The following AKAP10 variants were observed in gnomAD, a reference collection of about 807,000 sequenced individuals.
The protein encoded by AKAP10 is A-kinase anchor protein 10, mitochondrial.
In AKAP10, 24 loss-of-function variants were observed where a neutral mutation model predicts 80.8. The ratio of observed to expected loss-of-function variants is 0.30; its 90% CI spans 0.22 to 0.42. The LOEUF (loss-of-function observed/expected upper bound fraction) is 0.42, where lower values mean the gene tolerates loss of function less well. Among genes scored for constraint, AKAP10 ranks in the 10% least tolerant of loss-of-function variants. The pLI is 1.00. For missense variants in AKAP10, 661 were observed against 794.9 expected (o/e 0.83, Z 2.03); for synonymous variants, 291 against 277.7 (o/e 1.05, Z -0.48).
At chr17:19,909,350 TAACA>T in intron 13 of AKAP10, 74 bp from the exon 14 acceptor site, 4 of 1,312,336 alleles carry the variant, frequency 3.0e-6, no homozygotes, top group Non-Finnish European at 4.2e-6. Context: ...TCAGTGCTCT[TAACA>T]AATGGCTTAC....
intron 5 of AKAP10, among the ~76,000 whole-genome samples, chr17:19,943,937 C>T (rs73303985): frequency 0.019 from 2,950 of 151,982 alleles, 79 homozygotes; most frequent in African/African-American, 0.067. Flanking sequence ...CCCCACACAA[C>T]TAGAGTCATG....
intron 6 of AKAP10, 53 bp downstream of exon 6, chr17:19,941,773 C>A: frequency 7.2e-7 from 1 of 1,397,190 alleles, no homozygotes; most frequent in Non-Finnish European, 9.6e-7. Context: ...CCATTCCTAA[C>A]AATGAACCCA....
intron 14 of AKAP10, 122 bp downstream of exon 14, chr17:19,909,059 A>T (rs1422438688): frequency 1.4e-6 from 1 of 730,048 alleles, no homozygotes; most frequent in African/African-American, 1.8e-5. Context: ...GTTGCTTATG[A>T]TAAGAAGGTA....
intron 11 of AKAP10, among the ~76,000 whole-genome samples, chr17:19,924,012 G>A (rs1483646891): frequency 6.6e-6 from 1 of 152,158 alleles, no homozygotes; most frequent in African/African-American, 2.4e-5. Context: ...ATTTCAGTAA[G>A]TGGCATATCC....
At chr17:19,933,465 G>A (rs182615735) in intron 9 of AKAP10, among the ~76,000 whole-genome samples, 19 of 152,124 alleles carry the variant, frequency 1.2e-4, no homozygotes, top group Non-Finnish European at 2.5e-4. Flanking sequence ...CTAACTACCA[G>A]GGTCTTGACA....
intron 10 of AKAP10, among the ~76,000 whole-genome samples, chr17:19,925,754 C>T (rs549081131): frequency 6.6e-6 from 1 of 151,548 alleles, no homozygotes; most frequent in Admixed American, 6.6e-5. Flanking sequence ...TGAGAAGGAA[C>T]AATCTCCAAG....
At chr17:19,967,728 C>A (rs994601007) in intron 2 of AKAP10, among the ~76,000 whole-genome samples, 1 of 151,480 alleles carries the variant, frequency 6.6e-6, no homozygotes, top group Non-Finnish European at 1.5e-5. Context: ...ACTAAAAATA[C>A]AAAAATTAGC....
At position 19,957,931 on chromosome 17, in the gene AKAP10, T is replaced by C. The variant is rs2043299218; in HGVS notation, c.877+83A>G. 3 of 1,378,978 alleles carry C rather than the reference T, an allele frequency of 2.2e-6. No homozygotes were observed. The South Asian group carries it at 4.2e-5, about 19-fold the overall frequency. 85.4% of individuals were successfully genotyped at this position (1,378,978 alleles called of 1,614,324 possible). A position where few individuals can be genotyped will look rare whatever the true frequency, so the allele number is the denominator to read the frequency against. On this transcript the variant is annotated intron_variant, in intron 4 of 14. Transcript: ENST00000225737. ...GAGAAAAAAAATATTCCAATCATTTTATTCCTCATCTGAAGTTCTGCTTAG... is the reference window on the plus strand; with the variant it reads ...GAGAAAAAAAATATTCCAATCATTTCATTCCTCATCTGAAGTTCTGCTTAG...
intron 3 of AKAP10, among the ~76,000 whole-genome samples, chr17:19,961,882 T>C (rs2043353986): frequency 6.6e-6 from 1 of 152,100 alleles, no homozygotes; most frequent in Non-Finnish European, 1.5e-5. Flanking sequence ...TTGGGAGGCC[T>C]GTGTGGGAGA....
chr17:19,931,587 C>T (rs2042933761), intron 10 of AKAP10, among the ~76,000 whole-genome samples: 1 of 152,000 alleles, frequency 6.6e-6, no homozygotes, highest in South Asian at 2.1e-4. Context: ...GATGGGGTTT[C>T]ACCATGTCGG....
intron 11 of AKAP10, 72 bp downstream of exon 11, chr17:19,924,336 A>C (rs2042851029): frequency 9.0e-7 from 1 of 1,106,426 alleles, no homozygotes; most frequent in East Asian, 2.7e-5. Flanking sequence ...AAAATGTAAA[A>C]TTTAATTAAA....
chr17:19,933,950 T>C (rs1486909701), intron 9 of AKAP10, among the ~76,000 whole-genome samples: 3 of 152,136 alleles, frequency 2.0e-5, no homozygotes, highest in Non-Finnish European at 4.4e-5. Context: ...AGACGGAGTT[T>C]TGCTCTTGTT....
chr17:19,925,482 G>T (rs1005423623), intron 10 of AKAP10, among the ~76,000 whole-genome samples: 8 of 152,084 alleles, frequency 5.3e-5, no homozygotes, highest in African/African-American at 1.9e-4. Context: ...AGAAAAACCA[G>T]AATTGGTATT....
chr17:19,908,770 G>A (rs1257790058), intron 14 of AKAP10, among the ~76,000 whole-genome samples: 1 of 152,078 alleles, frequency 6.6e-6, no homozygotes, highest in East Asian at 1.9e-4. Context: ...CTCCCAAATA[G>A]TTGGGATTAC....
intron 11 of AKAP10, among the ~76,000 whole-genome samples, 168 bp downstream of exon 11, chr17:19,924,240 G>A (rs2042850034): frequency 6.6e-6 from 1 of 151,996 alleles, no homozygotes; most frequent in Non-Finnish European, 1.5e-5. Context: ...AACCCAGGAA[G>A]TCACTCCAGA....
intron 3 of AKAP10, among the ~76,000 whole-genome samples, chr17:19,962,560 C>T (rs1162325067): frequency 1.3e-5 from 2 of 152,162 alleles, no homozygotes; most frequent in African/African-American, 4.8e-5. Flanking sequence ...TTTTAATTTG[C>T]ACTTCCCTCA....
chr17:19,970,793 A>G (rs1464992064), intron 1 of AKAP10, among the ~76,000 whole-genome samples: 1 of 152,176 alleles, frequency 6.6e-6, no homozygotes, highest in East Asian at 1.9e-4. Context: ...ACTGTACCCC[A>G]GCCTGGGTGA....
intron 13 of AKAP10, 28 bp from the exon 14 acceptor site, chr17:19,909,304 A>G (rs749586498): frequency 3.8e-6 from 6 of 1,587,972 alleles, no homozygotes; most frequent in Non-Finnish European, 5.2e-6. Context: ...AACTGGTGAT[A>G]ATGGTTATTC....
chr17:19,946,202 A>ATT lies in AKAP10; in HGVS notation c.976+1203_976+1204dup, dbSNP rs1378479819. On this transcript the variant is annotated intron_variant, in intron 5 of 14. Transcript: ENST00000225737. ...TATATGCATATATACTAATACATAT[A>ATT]TTTTATATATATATATATTTTATAT... 3.2e-4 allele frequency among the ~76,000 whole-genome samples: 15 copies of ATT among 46,410 alleles called. No individual in the cohort carries two copies. The South Asian group carries it at 6.0e-3, about 18-fold the overall frequency. 30.4% of individuals were successfully genotyped at this position (46,410 alleles called of 152,430 possible).
Sources: allele counts gnomAD v4.1 joint callset (sites outside exome capture counted in the v4.1 genomes callset), GRCh38; gene constraint gnomAD v4.1.1; transcripts MANE v1.5; gene names NCBI Gene and HGNC (gene_info 2026-07-23, HGNC 2026-07-21).